Variants in CSNK2A2IP observed in about 807,000 individuals in gnomAD.
The protein encoded by CSNK2A2IP is casein kinase 2 subunit alpha' interacting protein.
chr3:88,458,887 T>C, the CSNK2A2IP span, among the ~76,000 whole-genome samples: 1 of 152,342 alleles, frequency 6.6e-6, no homozygotes, highest in Admixed American at 6.5e-5. Context: ...CTTAAATTTA[T>C]TGACACTTGT....
At chr3:88,370,610 C>T in the CSNK2A2IP span, among the ~76,000 whole-genome samples, 7 of 148,034 alleles carry the variant, frequency 4.7e-5, no homozygotes, top group African/African-American at 1.5e-4. Context: ...CTCTCTCTCT[C>T]TCTTTCTTTC....
chr3:88,449,854 C>CATATAT, the CSNK2A2IP span, among the ~76,000 whole-genome samples: 6 of 84,438 alleles, frequency 7.1e-5, 1 homozygote, highest in African/African-American at 2.4e-4. Context: ...CACACACACA[C>CATATAT]ATATATATAT....
At chr3:88,452,026 G>T in the CSNK2A2IP span, among the ~76,000 whole-genome samples, 6 of 151,988 alleles carry the variant, frequency 3.9e-5, no homozygotes, top group African/African-American at 1.4e-4. Context: ...TGGATGAACT[G>T]CTCTGGAATA....
chr3:88,403,344 T>A, the CSNK2A2IP span, among the ~76,000 whole-genome samples: 1 of 152,160 alleles, frequency 6.6e-6, no homozygotes, highest in Admixed American at 6.6e-5. Context: ...AAGGTCACCA[T>A]TGAAAAATGT....
chr3:88,466,038 CT>C, the CSNK2A2IP span: 1 of 1,231,688 alleles, frequency 8.1e-7, no homozygotes, highest in Non-Finnish European at 1.0e-6. Context: ...CCTCATTGGA[CT>C]ACCTTTGGAC....
At chr3:88,359,063 T>A in the CSNK2A2IP span, among the ~76,000 whole-genome samples, 1 of 151,672 alleles carries the variant, frequency 6.6e-6, no homozygotes. Context: ...GTATAGTTAC[T>A]TATGCTTCCT....
the CSNK2A2IP span, among the ~76,000 whole-genome samples, chr3:88,370,609 T>C: frequency 2.4e-5 from 3 of 123,582 alleles, no homozygotes; most frequent in Non-Finnish European, 6.0e-5. Context: ...TCTCTCTCTC[T>C]CTCTTTCTTT....
chr3:88,444,386 G>A, the CSNK2A2IP span, among the ~76,000 whole-genome samples: 1 of 152,254 alleles, frequency 6.6e-6, no homozygotes, highest in South Asian at 2.1e-4. Flanking sequence ...TCTAATAAGG[G>A]AAAGGTTATG....
At chr3:88,446,271 G>T in the CSNK2A2IP span, among the ~76,000 whole-genome samples, 1 of 151,732 alleles carries the variant, frequency 6.6e-6, no homozygotes, top group African/African-American at 2.4e-5. Context: ...TGTGTCTTTA[G>T]TAGAGATTGA....
chr3:88,370,357 A>G, the CSNK2A2IP span, among the ~76,000 whole-genome samples: 1 of 151,946 alleles, frequency 6.6e-6, no homozygotes, highest in Non-Finnish European at 1.5e-5. Context: ...CAATAACAAA[A>G]GTGACATCAG....
chr3:88,446,876 T>C, the CSNK2A2IP span, among the ~76,000 whole-genome samples: 2 of 152,236 alleles, frequency 1.3e-5, no homozygotes, highest in Admixed American at 6.5e-5. Context: ...ATAATCATTA[T>C]TATAAGACAT....
At chr3:88,430,180 G>C in the CSNK2A2IP span, among the ~76,000 whole-genome samples, 1 of 152,032 alleles carries the variant, frequency 6.6e-6, no homozygotes, top group Non-Finnish European at 1.5e-5. Flanking sequence ...CAAGGATGGA[G>C]GGACTCCTCA....
the CSNK2A2IP span, chr3:88,465,261 G>T: frequency 3.1e-6 from 2 of 641,036 alleles, no homozygotes; most frequent in Non-Finnish European, 4.5e-6. Context: ...TTATGTAAAA[G>T]TATCCATTTT....
At chr3:88,424,500 T>G in the CSNK2A2IP span, among the ~76,000 whole-genome samples, 1 of 152,168 alleles carries the variant, frequency 6.6e-6, no homozygotes, top group Non-Finnish European at 1.5e-5. Flanking sequence ...TTCTAAAAAT[T>G]TATAATTTTA....
chr3:88,391,568 G>C, the CSNK2A2IP span, among the ~76,000 whole-genome samples: 1 of 152,108 alleles, frequency 6.6e-6, no homozygotes, highest in Non-Finnish European at 1.5e-5. Context: ...TGTTCTTAAA[G>C]TTATATTTAA....
chr3:88,388,856 T>G, the CSNK2A2IP span, among the ~76,000 whole-genome samples: 3 of 152,092 alleles, frequency 2.0e-5, no homozygotes, highest in East Asian at 5.8e-4. Flanking sequence ...TATATTAGAT[T>G]ATTTCCACCT....
At chr3:88,418,478 G>C in the CSNK2A2IP span, among the ~76,000 whole-genome samples, 1 of 152,006 alleles carries the variant, frequency 6.6e-6, no homozygotes, top group South Asian at 2.1e-4. Flanking sequence ...GCGGGCGTGT[G>C]TTCTCTCTTG....
the CSNK2A2IP span, chr3:88,343,073 C>T: frequency 6.6e-6 from 1 of 151,946 alleles, no homozygotes; most frequent in Non-Finnish European, 1.5e-5. Context: ...TACATTTACG[C>T]CATGGGTTGC....
chr3:88,355,520 T>A, the CSNK2A2IP span, among the ~76,000 whole-genome samples: 1 of 152,182 alleles, frequency 6.6e-6, no homozygotes, highest in African/African-American at 2.4e-5. Context: ...TGGTCACACC[T>A]CTAGAACCTG....
Sources: allele counts gnomAD v4.1 joint callset (sites outside exome capture counted in the v4.1 genomes callset), GRCh38; gene constraint gnomAD v4.1.1; transcripts MANE v1.5; gene names NCBI Gene and HGNC (gene_info 2026-07-23, HGNC 2026-07-21).